Variants in STON2 observed in about 807,000 individuals in gnomAD.
STON2 encodes the protein stonin-2.
STON2 carries 29 observed loss-of-function variants against 65.7 expected under a neutral mutation model. The observed-to-expected ratio is 0.44, with a 90% CI of 0.33 to 0.60. The LOEUF (loss-of-function observed/expected upper bound fraction) is 0.60. STON2 is among the 20% of genes least tolerant of loss of function. The pLI is 0.03. For synonymous variants in STON2, 404 were observed against 414.2 expected (o/e 0.98, Z 0.30); for missense variants, 1,054 against 1,118.1 (o/e 0.94, Z 0.82).
chr14:81,280,576 T>A (rs1895064212), intron 5 of STON2, among the ~76,000 whole-genome samples: 1 of 152,246 alleles, frequency 6.6e-6, no homozygotes, highest in Middle Eastern at 3.4e-3. Context: ...TTCATGCATA[T>A]CACATCCAAC....
intron 3 of STON2, among the ~76,000 whole-genome samples, chr14:81,391,968 T>C (rs1440135947): frequency 6.6e-6 from 1 of 152,216 alleles, no homozygotes; most frequent in Non-Finnish European, 1.5e-5. Flanking sequence ...TCTTGATTTA[T>C]TCTCTAGTAA....
upstream of STON2, among the ~76,000 whole-genome samples, chr14:81,400,877 A>G (rs1900578652): frequency 6.6e-6 from 1 of 151,956 alleles, no homozygotes; most frequent in South Asian, 2.1e-4. Context: ...GAATAATAAA[A>G]CTCACTCCAT....
chr14:81,369,314 A>G (rs2140360528), intron 4 of STON2, among the ~76,000 whole-genome samples: 1 of 152,090 alleles, frequency 6.6e-6, no homozygotes, highest in Non-Finnish European at 1.5e-5. Flanking sequence ...TAGAACAAGG[A>G]GATGTTAAAA....
chr14:81,427,408 C>G (rs1902030926), intron 1 of STON2: 1 of 152,216 alleles, frequency 6.6e-6, no homozygotes. Context: ...AGCCAAGTCA[C>G]CCAGACCGGA....
At chr14:81,269,781 T>A (rs1231971924) in intron 7 of STON2, 1 of 985,306 alleles carries the variant, frequency 1.0e-6, no homozygotes, top group Non-Finnish European at 1.2e-6. Context: ...GCATTTAATC[T>A]CCTATTGAAT....
chr14:81,303,253 G>C (rs751956876), intron 5 of STON2, among the ~76,000 whole-genome samples: 2 of 152,230 alleles, frequency 1.3e-5, no homozygotes, highest in African/African-American at 4.8e-5. Context: ...CCTTCAATGT[G>C]TTATGTTGTT....
chr14:81,381,288 T>C (rs1899501995), intron 3 of STON2, among the ~76,000 whole-genome samples: 1 of 151,406 alleles, frequency 6.6e-6, no homozygotes, highest in Non-Finnish European at 1.5e-5. Flanking sequence ...TAGAGAAATA[T>C]TTTCTTTACC....
At chr14:81,355,535 G>A (rs76423930) in intron 4 of STON2, among the ~76,000 whole-genome samples, 9,749 of 152,134 alleles carry the variant, frequency 0.064, 390 homozygotes, top group South Asian at 0.14. Flanking sequence ...AGAATACTTC[G>A]TTCAACAAAG....
At chr14:81,297,778 C>A (rs1329502668) in intron 5 of STON2, among the ~76,000 whole-genome samples, 1 of 152,216 alleles carries the variant, frequency 6.6e-6, no homozygotes, top group African/African-American at 2.4e-5. Flanking sequence ...GTGGCTCACG[C>A]CTGTAATCCC....
In STON2 at chr14:81,270,469, A is replaced by C. The variant is rs1894529010; in HGVS notation, c.2784+201T>G. 4.7e-6 allele frequency: 7 copies of C among 1,485,826 alleles called. No homozygotes were observed. In the Admixed American group the frequency reaches 7.3e-5, roughly 16 times the overall value. The allele number at this position is 1,485,826 out of a possible 1,614,324, so 92.0% of individuals were successfully genotyped here. A position where few individuals can be genotyped will look rare whatever the true frequency, so the allele number is the denominator to read the frequency against. ...TTGATGAGCCTCTTTATTTTTTTCC[A>C]ACCTTTCTCTCATCCACTAGCCAGA... On this transcript the variant is annotated intron_variant, in intron 7 of 7. Coordinates refer to ENST00000614646, the MANE Select transcript of STON2 (RefSeq NM_001394390.1).
intron 7 of STON2, chr14:81,270,267 T>C (rs1894520289): frequency 3.6e-6 from 2 of 561,498 alleles, no homozygotes; most frequent in African/African-American, 2.0e-5. Flanking sequence ...GTACTTTTTA[T>C]AGAGATGGGG....
intron 3 of STON2, 132 bp from the exon 4 acceptor site, chr14:81,371,317 G>C (rs1371095064): frequency 2.6e-6 from 2 of 775,768 alleles, no homozygotes; most frequent in African/African-American, 3.5e-5. Context: ...AGGAAGTCTT[G>C]TATGGAGAGT....
intron 4 of STON2, among the ~76,000 whole-genome samples, chr14:81,369,591 A>G (rs181008905): frequency 6.6e-6 from 1 of 152,240 alleles, no homozygotes; most frequent in African/African-American, 2.4e-5. Context: ...CAAGCATCAC[A>G]TAAGTTATTC....
At chr14:81,310,153 G>GT (rs915701683) in intron 5 of STON2, among the ~76,000 whole-genome samples, 80 of 152,300 alleles carry the variant, frequency 5.3e-4, no homozygotes, top group African/African-American at 1.9e-3. Flanking sequence ...AGACAACGGT[G>GT]TAAGTCACCC....
At chr14:81,398,625 C>G (rs2140445074) in intron 1 of STON2, 45 bp from the exon 2 acceptor site, 1 of 424,538 alleles carries the variant, frequency 2.4e-6, no homozygotes, top group Non-Finnish European at 4.2e-6. Flanking sequence ...GGATAACCAT[C>G]ACATTACACT....
At chr14:81,335,427 GA>G (rs745562988) in intron 4 of STON2, among the ~76,000 whole-genome samples, 5 of 152,172 alleles carry the variant, frequency 3.3e-5, no homozygotes, top group Non-Finnish European at 2.9e-5. Context: ...TCCATCTAAT[GA>G]AATGTGCAGG....
chr14:81,425,287 A>G (rs887663659), intron 2 of STON2, among the ~76,000 whole-genome samples: 1 of 152,228 alleles, frequency 6.6e-6, no homozygotes, highest in African/African-American at 2.4e-5. Context: ...ATAGTAGAGA[A>G]GACTGAGCTT....
In STON2 at chr14:81,409,064, T is replaced by C. The variant is rs565510287; in HGVS notation, c.-198-10484A>G. On this transcript the variant is annotated intron_variant, in intron 2 of 8. Coordinates refer to the STON2 transcript ENST00000553821. ...TTCTTATCTATATTTTAGAGCCATA[T>C]ATAAATTAGATGCATTTTACAATTC... 5.9e-5 allele frequency among the ~76,000 whole-genome samples: 9 copies of C among 152,342 alleles called. 1 individual carries two copies. The South Asian group carries it at 1.7e-3, about 28-fold the overall frequency.
chr14:81,390,864 G>A, intron 3 of STON2, among the ~76,000 whole-genome samples: 1 of 152,220 alleles, frequency 6.6e-6, no homozygotes, highest in East Asian at 1.9e-4. Flanking sequence ...TCCCCGCAGA[G>A]GCTTTAAGGA....
Sources: gnomAD v4.1 joint callset for allele counts (sites outside exome capture counted in the v4.1 genomes callset) on GRCh38, gnomAD v4.1.1 for gene constraint, MANE v1.5 for transcripts, NCBI Gene and HGNC (gene_info 2026-07-23, HGNC 2026-07-21) for gene names.